The following ANKRD50 variants were observed in gnomAD, a reference collection of about 807,000 sequenced individuals.
ANKRD50 encodes the protein ankyrin repeat domain 50.
ANKRD50 carries 40 observed loss-of-function variants against 112.0 expected under a neutral mutation model. That is an observed-to-expected ratio of 0.36 (90% CI 0.28 to 0.46). The LOEUF (loss-of-function observed/expected upper bound fraction) is 0.46. Ranked by LOEUF, ANKRD50 falls within the 20% of genes least tolerant of loss-of-function variation. The pLI is 1.00. For missense variants in ANKRD50, 1,487 were observed against 1,701.7 expected (o/e 0.87, Z 2.22); for synonymous variants, 613 against 619.1 (o/e 0.99, Z 0.15).
chr4:124,710,688 C>T lies in ANKRD50; in HGVS notation c.-177G>A, dbSNP rs1725610171. The T allele has an allele frequency of 2.7e-6, 2 of 751,400 alleles. No individual in the cohort carries two copies. The highest frequency in any genetic ancestry group is 2.1e-6 in the Non-Finnish European group (1 of 469,976). 46.5% of individuals were successfully genotyped at this position (751,400 alleles called of 1,614,324 possible). A position where few individuals can be genotyped will look rare whatever the true frequency, so the allele number is the denominator to read the frequency against. On this transcript the variant is annotated 5_prime_UTR_variant, in exon 2 of 5. Transcript: ENST00000504087. ...GAACGTGCATGACTTTATTTGGTTC[C>T]TTATTCTTGATCAGCAGTCTATGTA...
rs139357034 is a variant in ANKRD50, at chr4:124,701,125, G to A, written c.512+8875C>T. On this transcript the variant is annotated intron_variant, in intron 2 of 4. Coordinates refer to ENST00000504087, the MANE Select transcript of ANKRD50 (RefSeq NM_020337.3). ...ATTACAGGCATGTACCACCATGCTC[G>A]ACTAATTTTATACTGTTAGTAGAGA... is the stretch of plus-strand genomic sequence containing the variant. Among the ~76,000 whole-genome samples, 1,118 of 152,164 alleles carry A rather than the reference G, an allele frequency of 7.3e-3. 17 individuals are homozygous for A. The highest frequency in any genetic ancestry group is 0.025 in the African/African-American group (1,025 of 41,510).
Position 124,671,295 on chromosome 4 carries a change from A to G in ANKRD50, c.1982T>C (p.Leu661Pro). The change falls in exon 4 of 5, where the codon CTG becomes CCG. Residue 661 changes from leucine (L) to proline (P), a missense_variant. Physicochemically the swap from Leu to Pro is moderately conservative, Grantham distance 98. Coordinates refer to ENST00000504087, the MANE Select transcript of ANKRD50 (RefSeq NM_020337.3). ...AAWGGHEDIV[L>P]NLLQHGAEVN... ...TTCAGCGCCATGTTGTAGCAAATTC[A>G]GTACAATATCCTCGTGTCCTCCCCA... 3 of 1,613,814 alleles carry G rather than the reference A, an allele frequency of 1.9e-6. No individual in the cohort carries two copies. Among genetic ancestry groups the G allele is most frequent in the Non-Finnish European group, 2.5e-6 (3 of 1,179,816 alleles).
chr4:124,677,213 A>C (rs994074328), intron 3 of ANKRD50, among the ~76,000 whole-genome samples: 2 of 151,762 alleles, frequency 1.3e-5, no homozygotes, highest in Non-Finnish European at 3.0e-5. Flanking sequence ...TTAATATCCC[A>C]AAAAAAGAAG....
chr4:124,677,333 T>C (rs1336962774), intron 3 of ANKRD50, among the ~76,000 whole-genome samples: 1 of 151,954 alleles, frequency 6.6e-6, no homozygotes, highest in Middle Eastern at 3.4e-3. Flanking sequence ...TGAACAAATA[T>C]GTTCATGAAG....
In ANKRD50 at chr4:124,670,730, T is replaced by C. The variant is rs1258161794; in HGVS notation, c.2547A>G (p.Thr849=). The change falls in exon 4 of 5, where the codon ACA becomes ACG. Residue 849 remains threonine, a synonymous_variant. Coordinates refer to ENST00000504087, the MANE Select transcript of ANKRD50 (RefSeq NM_020337.3). ...DENHRDDAGW[T]PLHMAAFEGH... ...CTTCAAAAGCTGCCATGTGCAAAGG[T>C]GTCCATCCAGCATCATCTCTGTGAT... 2.5e-6 allele frequency: 4 copies of C among 1,613,626 alleles called. No homozygotes were observed. The highest frequency in any genetic ancestry group is 1.1e-5 in the South Asian group (1 of 91,024).
intron 2 of ANKRD50, among the ~76,000 whole-genome samples, chr4:124,694,344 T>C (rs1315068578): frequency 1.3e-5 from 2 of 152,208 alleles, no homozygotes; most frequent in East Asian, 1.9e-4. Context: ...AGCAGGGACA[T>C]ATGGAATTGA....
intron 2 of ANKRD50, among the ~76,000 whole-genome samples, chr4:124,709,201 C>T (rs1725571853): frequency 6.6e-6 from 1 of 151,722 alleles, no homozygotes; most frequent in African/African-American, 2.4e-5. Flanking sequence ...GAAGCACAAA[C>T]TAACAATTTG....
At chr4:124,682,265 G>A (rs1380796861) in intron 2 of ANKRD50, among the ~76,000 whole-genome samples, 3 of 144,196 alleles carry the variant, frequency 2.1e-5, no homozygotes, top group Non-Finnish European at 4.5e-5. Flanking sequence ...GCAGTGAACC[G>A]AGATTGCGCC....
chr4:124,673,748 C>A (rs886517728), intron 3 of ANKRD50, among the ~76,000 whole-genome samples: 3 of 151,914 alleles, frequency 2.0e-5, no homozygotes, highest in Non-Finnish European at 4.4e-5. Context: ...TAATACTAAG[C>A]TTTAAGTATG....
At chr4:124,682,286 G>A (rs1256023905) in intron 2 of ANKRD50, among the ~76,000 whole-genome samples, 2 of 136,318 alleles carry the variant, frequency 1.5e-5, no homozygotes, top group Admixed American at 8.3e-5. Context: ...ACTGCAGTCC[G>A]CAGTCCGGCC....
At position 124,671,088 on chromosome 4, in the gene ANKRD50, A is replaced by C; in HGVS notation, c.2189T>G (p.Val730Gly). 1 of 1,613,702 alleles carries C rather than the reference A, an allele frequency of 6.2e-7. No homozygotes were observed. Among genetic ancestry groups the C allele is most frequent in the Non-Finnish European group, 8.5e-7 (1 of 1,179,828 alleles). ...CVPASKGHAS[V>G]VSLLIDRGAE... ...ACCTCGATCAATTAAAAGGCTAACA[A>C]CTGATGCGTGCCCTTTACTTGCAGG... The change falls in exon 4 of 5, where the codon GTT becomes GGT. Residue 730 changes from valine to glycine, a missense_variant. Physicochemically the swap from Val to Gly is moderately radical, Grantham distance 109. Around this residue, in one of 2 missense-constraint regions of ANKRD50, gnomAD observed 1,046 missense variants for 1,269.5 expected, o/e 0.82. Transcript: ENST00000504087.
rs1560815217 is a variant in ANKRD50, at chr4:124,666,649, T to C, written c.*869A>G. 1 of 152,378 alleles carries C rather than the reference T, an allele frequency of 6.6e-6. No individual in the cohort carries two copies. The highest frequency in any genetic ancestry group is 1.5e-5 in the Non-Finnish European group (1 of 67,914). 9.4% of individuals were successfully genotyped at this position (152,378 alleles called of 1,614,324 possible). A position where few individuals can be genotyped will look rare whatever the true frequency, so the allele number is the denominator to read the frequency against. The stretch of plus-strand genomic sequence containing the variant: ...ATCTACCCTTAGATAGACAGGTGCA[T>C]TTCTCTCTGCACACACATGTGACTG... On this transcript the variant is annotated 3_prime_UTR_variant, in exon 5 of 5. Transcript: ENST00000504087.
At chr4:124,675,679 T>C (rs1406476680) in intron 3 of ANKRD50, among the ~76,000 whole-genome samples, 1 of 151,820 alleles carries the variant, frequency 6.6e-6, no homozygotes, top group Non-Finnish European at 1.5e-5. Flanking sequence ...ATGGAGCCTG[T>C]AATACTTTTA....
chr4:124,672,436 G>A lies in ANKRD50; in HGVS notation c.841C>T (p.Arg281Ter). 1.9e-6 allele frequency: 3 copies of A among 1,612,656 alleles called. No individual in the cohort carries two copies. Among genetic ancestry groups the A allele is most frequent in the South Asian group, 1.1e-5 (1 of 90,912 alleles). The change falls in exon 4 of 5, where the codon CGA becomes TGA. Residue 281 changes from arginine to a stop codon, truncating the protein, a stop_gained. Coordinates refer to ENST00000504087, the MANE Select transcript of ANKRD50 (RefSeq NM_020337.3). LOFTEE classifies it high-confidence loss of function. ...LHRLDQEEAL[R>*]QHLTKETAEM... ...GCAGTTTCTTTTGTGAGGTGTTGTC[G>A]CAAAGCTTCTTCTTGATCTAAACGA...
intron 1 of ANKRD50, among the ~76,000 whole-genome samples, 173 bp downstream of exon 1, chr4:124,712,285 C>CCCCGCT (rs749077545): frequency 4.1e-4 from 62 of 152,270 alleles, no homozygotes; most frequent in Admixed American, 5.9e-4. Flanking sequence ...CCGCCCCATG[C>CCCCGCT]CCCGCTCCCG....
chr4:124,676,183 T>A (rs748894520), intron 3 of ANKRD50, among the ~76,000 whole-genome samples: 1 of 151,704 alleles, frequency 6.6e-6, no homozygotes. Context: ...TGCACAGATA[T>A]GTTATGTTTA....
chr4:124,676,184 GTTATGT>G (rs977785965), intron 3 of ANKRD50, among the ~76,000 whole-genome samples: 4 of 151,662 alleles, frequency 2.6e-5, no homozygotes, highest in African/African-American at 9.7e-5. Context: ...GCACAGATAT[GTTATGT>G]TTATGAGTAG....
intron 2 of ANKRD50, among the ~76,000 whole-genome samples, chr4:124,679,986 C>T (rs1362138217): frequency 6.6e-6 from 1 of 152,138 alleles, no homozygotes; most frequent in Non-Finnish European, 1.5e-5. Context: ...CACAATTACA[C>T]GTGGGCCTTT....
At chr4:124,690,645 G>C (rs992255560) in intron 2 of ANKRD50, among the ~76,000 whole-genome samples, 2 of 152,112 alleles carry the variant, frequency 1.3e-5, no homozygotes, top group Admixed American at 1.3e-4. Context: ...TTTTTAAAAA[G>C]ACCATGCATG....
Sources: gnomAD v4.1 joint callset for allele counts (sites outside exome capture counted in the v4.1 genomes callset) on GRCh38, gnomAD v4.1.1 for gene constraint, gnomAD v4.1.1 regional missense constraint, MANE v1.5 for transcripts, NCBI Gene and HGNC (gene_info 2026-07-23, HGNC 2026-07-21) for gene names.